TTBK2: variants seen among roughly 807,000 people sequenced by gnomAD.
The protein encoded by TTBK2 is tau tubulin kinase 2.
A neutral mutation model predicts 110.8 loss-of-function variants in TTBK2; 28 were observed. That is an observed-to-expected ratio of 0.25 (90% confidence interval 0.19 to 0.35). TTBK2 has a LOEUF of 0.35. Ranked by LOEUF, TTBK2 falls within the 10% of genes least tolerant of loss-of-function variation. TTBK2 has a pLI of 1.00. For missense variants in TTBK2, 1,369 were observed against 1,500.3 expected (o/e 0.91, Z 1.45); for synonymous variants, 532 against 527.3 (o/e 1.01, Z -0.12).
chr15:42,813,778 G>A (rs984547935), intron 7 of TTBK2, among the ~76,000 whole-genome samples: 11 of 150,404 alleles, frequency 7.3e-5, no homozygotes, highest in African/African-American at 2.4e-4. Flanking sequence ...CCCAGGAGGC[G>A]GAGGTTGCAG....
At chr15:42,904,350 ATAACT>A (rs1053058067) in intron 1 of TTBK2, among the ~76,000 whole-genome samples, 22 of 152,220 alleles carry the variant, frequency 1.4e-4, no homozygotes, top group Non-Finnish European at 2.8e-4. Flanking sequence ...TGAAAAATTA[ATAACT>A]TAGCTACAGT....
intron 1 of TTBK2, among the ~76,000 whole-genome samples, chr15:42,912,364 G>T (rs561507761): frequency 3.1e-4 from 47 of 152,202 alleles, no homozygotes; most frequent in Non-Finnish European, 5.6e-4. Flanking sequence ...AGGGAAACTA[G>T]ATAATTCACC....
intron 13 of TTBK2, among the ~76,000 whole-genome samples, chr15:42,756,859 C>G (rs2061953911): frequency 6.7e-6 from 1 of 148,958 alleles, no homozygotes. Context: ...TAGCAATACC[C>G]CACCTCAAAA....
rs147578591 is a variant in TTBK2, at chr15:42,820,592, A to C, written c.538-3495T>G. On this transcript the variant is annotated intron_variant, in intron 6 of 14. Transcript: ENST00000267890. ...ATGTACAAAGTCAGTCACTACCATCAGTGTTTGTGACAGCAAAAGATTTTG... is the reference window on the plus strand; with the variant it reads ...ATGTACAAAGTCAGTCACTACCATCCGTGTTTGTGACAGCAAAAGATTTTG... Among the ~76,000 whole-genome samples the C allele has an allele frequency of 3.8e-4, 58 of 152,322 alleles. 1 individual carries two copies. In the East Asian group the frequency reaches 0.011, roughly 29 times the overall value.
chr15:42,900,207 T>C (rs1306860761), intron 1 of TTBK2, among the ~76,000 whole-genome samples: 2 of 151,696 alleles, frequency 1.3e-5, no homozygotes, highest in Non-Finnish European at 2.9e-5. Flanking sequence ...TGGTCAGGCT[T>C]GTCTCAAAAC....
chr15:42,919,794 C>T, intron 1 of TTBK2: 1 of 985,376 alleles, frequency 1.0e-6, no homozygotes, highest in Non-Finnish European at 1.2e-6. Context: ...AAATTAACTT[C>T]GCTGTAGAAT....
In TTBK2 at chr15:42,752,639, T is replaced by C. The variant is rs562383840; in HGVS notation, c.2607A>G (p.Gln869=). 2.5e-6 allele frequency: 4 copies of C among 1,614,208 alleles called. No homozygotes were observed. The highest frequency in any genetic ancestry group is 1.1e-5 in the South Asian group (1 of 91,084). Residue 869 remains glutamine (Q), a synonymous_variant, in exon 14 of 15, where the codon CAA becomes CAG. Transcript: ENST00000267890. ...IDPHVEGQIG[Q]VAEMQKNKIS... ...TCTTATTTTTTTGCATTTCTGCCACTTGGCCTATCTGACCTTCAACATGTG... is the reference window on the plus strand; with the variant it reads ...TCTTATTTTTTTGCATTTCTGCCACCTGGCCTATCTGACCTTCAACATGTG...
In TTBK2 at chr15:42,872,768, A is replaced by T; in HGVS notation, c.70-10T>A. 1 of 1,613,982 alleles carries T rather than the reference A, an allele frequency of 6.2e-7. No individual in the cohort carries two copies. Among genetic ancestry groups the T allele is most frequent in the Non-Finnish European group, 8.5e-7 (1 of 1,179,934 alleles). ...CCCCAATCTTTCTCAACTGCACAGA[A>T]AATAAGAACACACACACTCTAAATT... is the stretch of plus-strand genomic sequence containing the variant. On this transcript the variant is annotated splice_polypyrimidine_tract_variant and intron_variant, in intron 2 of 14. Coordinates refer to ENST00000267890, the MANE Select transcript of TTBK2 (RefSeq NM_173500.4).
chr15:42,905,585 C>T (rs1043682364), intron 1 of TTBK2, among the ~76,000 whole-genome samples: 2 of 152,142 alleles, frequency 1.3e-5, no homozygotes, highest in African/African-American at 4.8e-5. Flanking sequence ...TGTATAGGAA[C>T]TTCAAGAAAC....
intron 1 of TTBK2, among the ~76,000 whole-genome samples, chr15:42,908,973 G>C (rs984418775): frequency 6.6e-6 from 1 of 152,128 alleles, no homozygotes; most frequent in Non-Finnish European, 1.5e-5. Flanking sequence ...GACAAATTTA[G>C]TGGCAAAAAA....
chr15:42,904,860 T>C (rs2030286134), intron 1 of TTBK2, among the ~76,000 whole-genome samples: 1 of 152,042 alleles, frequency 6.6e-6, no homozygotes, highest in Non-Finnish European at 1.5e-5. Context: ...AAATGAGACA[T>C]CAAACTGTAT....
At chr15:42,881,862 C>G (rs1895062521) in intron 1 of TTBK2, among the ~76,000 whole-genome samples, 1 of 151,006 alleles carries the variant, frequency 6.6e-6, no homozygotes. Context: ...CAGAACGAGA[C>G]TCTGTCTCAA....
rs541625806 is a variant in TTBK2, at chr15:42,902,755, G to A, written c.-68+17683C>T. ...AGCCTGTAATCCCAGCACTTTGCAG[G>A]GCCGAGGTGGGAGAATTGCTTGAGC... is the stretch of plus-strand genomic sequence containing the variant. On this transcript the variant is annotated intron_variant, in intron 1 of 14. Transcript: ENST00000267890. 9.9e-5 allele frequency among the ~76,000 whole-genome samples: 15 copies of A among 152,228 alleles called. 1 individual carries two copies. The South Asian group carries it at 3.1e-3, about 32-fold the overall frequency.
chr15:42,795,345 C>G lies in TTBK2; in HGVS notation c.823-544G>C, dbSNP rs1029238655. Among the ~76,000 whole-genome samples, 10 of 150,764 alleles carry G rather than the reference C, an allele frequency of 6.6e-5. 1 individual carries two copies. The highest frequency in any genetic ancestry group is 6.0e-4 in the Admixed American group (9 of 15,102). On this transcript the variant is annotated intron_variant, in intron 9 of 14. Coordinates refer to ENST00000267890, the MANE Select transcript of TTBK2 (RefSeq NM_173500.4). ...CCATATATAAATTATCAAAAAATTG[C>G]TTGATTTATATTCTGTTAGTTTGAT...
At chr15:42,878,724 G>A in intron 1 of TTBK2, 40 bp from the exon 2 acceptor site, 4 of 1,591,458 alleles carry the variant, frequency 2.5e-6, no homozygotes, top group Non-Finnish European at 3.4e-6. Context: ...AGTATTTAGG[G>A]TTAACTAATC....
intron 6 of TTBK2, among the ~76,000 whole-genome samples, chr15:42,825,287 A>T (rs1187768615): frequency 1.3e-5 from 2 of 152,218 alleles, no homozygotes; most frequent in Non-Finnish European, 2.9e-5. Context: ...AAGTACCCTC[A>T]AGATCTGCAG....
intron 9 of TTBK2, among the ~76,000 whole-genome samples, chr15:42,808,231 A>T (rs1891560401): frequency 1.3e-5 from 2 of 152,250 alleles, no homozygotes; most frequent in Non-Finnish European, 2.9e-5. Context: ...AGCAGCAGCT[A>T]TTGGATGAGG....
chr15:42,798,234 A>G (rs1439043094), intron 9 of TTBK2: 1 of 456,224 alleles, frequency 2.2e-6, no homozygotes, highest in Non-Finnish European at 4.4e-6. Context: ...GCACTTTCCC[A>G]TCAGAACAGG....
At chr15:42,808,943 C>T (rs1266700795) in intron 9 of TTBK2, among the ~76,000 whole-genome samples, 1 of 152,160 alleles carries the variant, frequency 6.6e-6, no homozygotes, top group Non-Finnish European at 1.5e-5. Flanking sequence ...AAATTAATCA[C>T]AGGGACAGCA....
Sources: allele counts gnomAD v4.1 joint callset (sites outside exome capture counted in the v4.1 genomes callset), GRCh38; gene constraint gnomAD v4.1.1; transcripts MANE v1.5; gene names NCBI Gene and HGNC (gene_info 2026-07-23, HGNC 2026-07-21).